The following PEAK1 variants were observed in gnomAD, a reference collection of about 807,000 sequenced individuals.
PEAK1 encodes inactive tyrosine-protein kinase PEAK1.
A neutral mutation model predicts 124.7 loss-of-function variants in PEAK1; 54 were observed. That is an observed-to-expected ratio of 0.43 (90% confidence interval 0.35 to 0.54). The LOEUF is 0.54. Among genes scored for constraint, PEAK1 ranks in the 20% least tolerant of loss-of-function variants. The pLI, the probability that PEAK1 is intolerant of heterozygous loss-of-function variation, is 0.01. For missense variants in PEAK1, 2,046 were observed against 2,134.5 expected (o/e 0.96, Z 0.82); for synonymous variants, 719 against 760.0 (o/e 0.95, Z 0.89).
Position 77,133,289 on chromosome 15 carries a change from C to T in PEAK1, c.3793G>A (p.Gly1265Ser), listed in dbSNP as rs769105846. The stretch of plus-strand genomic sequence containing the variant: ...CTCTGCGGCTTCTGGATGCCTCGGC[C>T]CTGTCTGCAAGAGGGCCCACGCCGG... The part of the protein sequence containing the change: ...SSRRGPSCRQ[G>S]RGIQKPQRQA... Residue 1265 changes from glycine to serine, a missense_variant, in exon 9 of 10, where the codon GGC becomes AGC. Transcript: ENST00000682557. This position sits in a 1 kb window ranked among gnomAD's most constrained non-coding sequence, Gnocchi z 4.2. The T allele has an allele frequency of 7.4e-6, 12 of 1,614,222 alleles. No homozygotes were observed. Among genetic ancestry groups the T allele is most frequent in the Non-Finnish European group, 9.3e-6 (11 of 1,180,036 alleles).
chr15:77,196,605 A>C (rs748633015), intron 6 of PEAK1, among the ~76,000 whole-genome samples: 2 of 152,178 alleles, frequency 1.3e-5, no homozygotes, highest in African/African-American at 4.8e-5. Flanking sequence ...TGGAGAAAAA[A>C]GGGTGTTGTG....
intron 1 of PEAK1, among the ~76,000 whole-genome samples, chr15:77,391,476 C>CAAAAAAAAAAAA (rs536286745): frequency 7.3e-5 from 5 of 68,302 alleles, no homozygotes; most frequent in East Asian, 7.3e-4. Context: ...TAACTCATGG[C>CAAAAAAAAAAAA]AAAAAAAAAA....
rs1466308421 is a variant in PEAK1, at chr15:77,109,125, A to C, written c.*5031T>G. 1 of 152,190 alleles carries C rather than the reference A, an allele frequency of 6.6e-6. No individual in the cohort carries two copies. Among genetic ancestry groups the C allele is most frequent in the Non-Finnish European group, 1.5e-5 (1 of 68,036 alleles). The allele number at this position is 152,190 out of a possible 1,614,324, so 9.4% of individuals were successfully genotyped here. On this transcript the variant is annotated 3_prime_UTR_variant, in exon 10 of 10. Coordinates refer to ENST00000682557, the MANE Select transcript of PEAK1 (RefSeq NM_001385026.1). ...TAAAAACAATTACAATTTGTTAAGA[A>C]ATTTCCCAAGAGTTCTTTAAACAAA...
At chr15:77,404,647 G>A in intron 1 of PEAK1, 1 of 950,432 alleles carries the variant, frequency 1.1e-6, no homozygotes, top group Non-Finnish European at 1.3e-6. Flanking sequence ...CAAGAGATTT[G>A]AGACATATTC....
chr15:77,217,520 T>C (rs1260004229), intron 6 of PEAK1, among the ~76,000 whole-genome samples: 1 of 152,224 alleles, frequency 6.6e-6, no homozygotes, highest in African/African-American at 2.4e-5. Flanking sequence ...GCAACGTTCC[T>C]GGTTCATTCT....
intron 7 of PEAK1, among the ~76,000 whole-genome samples, chr15:77,172,866 C>T (rs1483434274): frequency 6.6e-6 from 1 of 152,140 alleles, no homozygotes; most frequent in Non-Finnish European, 1.5e-5. Flanking sequence ...GATCCTTCCA[C>T]CTCAGCCTCC....
chr15:77,334,530 G>A (rs1191454781), intron 2 of PEAK1: 6 of 985,232 alleles, frequency 6.1e-6, no homozygotes, highest in Non-Finnish European at 7.2e-6. Context: ...GCTCTTTCAT[G>A]CGAGAATTTA....
intron 1 of PEAK1, chr15:77,403,380 A>G (rs2071537494): frequency 1.1e-5 from 10 of 922,170 alleles, no homozygotes; most frequent in Non-Finnish European, 1.3e-5. Flanking sequence ...AGATATAATG[A>G]ATAAAATATT....
intron 1 of PEAK1, among the ~76,000 whole-genome samples, chr15:77,378,355 C>G (rs2069203891): frequency 1.3e-5 from 2 of 151,892 alleles, no homozygotes. Context: ...CATACATGGG[C>G]AGTGGAAGTC....
At chr15:77,206,111 A>G (rs1374775695) in intron 6 of PEAK1, among the ~76,000 whole-genome samples, 1 of 110,618 alleles carries the variant, frequency 9.0e-6, no homozygotes, top group Non-Finnish European at 1.8e-5. Context: ...TTTACTGAGA[A>G]TGATGATTTC....
chr15:77,149,748 G>C lies in PEAK1; in HGVS notation c.3331+8755C>G, dbSNP rs566708177. On this transcript the variant is annotated intron_variant, in intron 8 of 9. Transcript: ENST00000682557. ...AGGAAAACTGGACAATATCTTATTGGCATCACTTTTTTTTTTTTTAAGACA... is the reference window on the plus strand; with the variant it reads ...AGGAAAACTGGACAATATCTTATTGCCATCACTTTTTTTTTTTTTAAGACA... 9.5e-4 allele frequency among the ~76,000 whole-genome samples: 144 copies of C among 151,780 alleles called. No homozygotes were observed. In the South Asian group the frequency reaches 0.029, roughly 31 times the overall value.
intron 1 of PEAK1, among the ~76,000 whole-genome samples, chr15:77,375,592 A>G (rs921135348): frequency 6.6e-6 from 1 of 152,254 alleles, no homozygotes; most frequent in Non-Finnish European, 1.5e-5. Context: ...CTTAAGAGCT[A>G]TCACAAAATT....
At chr15:77,251,569 G>A (rs2060884391) in intron 6 of PEAK1, among the ~76,000 whole-genome samples, 1 of 152,164 alleles carries the variant, frequency 6.6e-6, no homozygotes, top group African/African-American at 2.4e-5. Flanking sequence ...TTTGCATACT[G>A]AATAGGAACT....
intron 2 of PEAK1, chr15:77,349,720 A>G (rs911957130): frequency 1.0e-6 from 1 of 985,148 alleles, no homozygotes; most frequent in African/African-American, 1.7e-5. Context: ...TAACCCTTCT[A>G]TAAGTAGGTC....
At chr15:77,350,429 T>C (rs750943275) in intron 2 of PEAK1, 4 of 985,396 alleles carry the variant, frequency 4.1e-6, no homozygotes, top group Middle Eastern at 5.2e-4. Flanking sequence ...AGCCTGAATG[T>C]AGCAAGCTTT....
At chr15:77,403,284 T>G (rs2071531747) in intron 1 of PEAK1, 1 of 981,528 alleles carries the variant, frequency 1.0e-6, no homozygotes, top group South Asian at 4.7e-5. Flanking sequence ...TTGTTTACTC[T>G]GAAGAAAAGC....
chr15:77,336,481 C>T, intron 2 of PEAK1: 1 of 985,340 alleles, frequency 1.0e-6, no homozygotes, highest in Non-Finnish European at 1.2e-6. Context: ...TGGCCGTTTG[C>T]TAATCATGTC....
chr15:77,354,321 A>G (rs2067375074), intron 2 of PEAK1, among the ~76,000 whole-genome samples: 1 of 152,180 alleles, frequency 6.6e-6, no homozygotes, highest in Non-Finnish European at 1.5e-5. Context: ...CCCAACACCA[A>G]TATTTAATTA....
At chr15:77,340,919 C>T (rs2066489396) in intron 2 of PEAK1, among the ~76,000 whole-genome samples, 1 of 151,582 alleles carries the variant, frequency 6.6e-6, no homozygotes, top group African/African-American at 2.4e-5. Flanking sequence ...GAAAGATTTA[C>T]ACAACTCAGG....
Sources: allele counts gnomAD v4.1 joint callset (sites outside exome capture counted in the v4.1 genomes callset), GRCh38; gene constraint gnomAD v4.1.1; non-coding constraint Gnocchi (gnomAD v3.1); transcripts MANE v1.5; gene names NCBI Gene and HGNC (gene_info 2026-07-23, HGNC 2026-07-21).